STRN3: variants seen among roughly 807,000 people sequenced by gnomAD.
STRN3 encodes the protein striatin-3.
A neutral mutation model predicts 95.6 loss-of-function variants in STRN3; 29 were observed. That is an observed-to-expected ratio of 0.30 (90% confidence interval 0.23 to 0.41). The LOEUF is 0.41. STRN3 is among the 10% of genes least tolerant of loss of function. The pLI is 1.00. For synonymous variants in STRN3, 331 were observed against 357.6 expected, an observed-to-expected ratio of 0.93 and a Z score of 0.84; for missense variants, 890 against 972.1, an observed-to-expected ratio of 0.92 and a Z score of 1.12.
At chr14:30,961,071 A>G (rs1222831011) in intron 1 of STRN3, among the ~76,000 whole-genome samples, 1 of 152,100 alleles carries the variant, frequency 6.6e-6, no homozygotes, top group Non-Finnish European at 1.5e-5. Flanking sequence ...CACTAGCCAT[A>G]AAGAAAAGGA....
chr14:31,014,676 A>C, intron 1 of STRN3: 1 of 458,728 alleles, frequency 2.2e-6, no homozygotes, highest in Non-Finnish European at 4.5e-6. Flanking sequence ...TCAAGGTAAT[A>C]CCAATACCTT....
chr14:30,950,839 G>T (rs1394034282), intron 4 of STRN3, 24 bp downstream of exon 4: 1 of 1,604,934 alleles, frequency 6.2e-7, no homozygotes, highest in Non-Finnish European at 8.5e-7. Context: ...CCTTAAAGAA[G>T]GTTGAAAATA....
Position 30,894,845 on chromosome 14 carries a change from C to A in STRN3, c.*566G>T. ...TATAAAAACTAGAATTTTATCCAAA[C>A]ATTTTGTGCAACTAATGCTAAAATA... On this transcript the variant is annotated 3_prime_UTR_variant, in exon 18 of 18. Coordinates refer to ENST00000357479, the MANE Select transcript of STRN3 (RefSeq NM_001083893.2). 3.8e-6 allele frequency: 2 copies of A among 532,610 alleles called. No homozygotes were observed. The highest frequency in any genetic ancestry group is 2.4e-5 in the South Asian group (1 of 41,158). 33.0% of individuals were successfully genotyped at this position (532,610 alleles called of 1,614,324 possible).
intron 1 of STRN3, among the ~76,000 whole-genome samples, chr14:30,986,253 G>T (rs1555324425): frequency 6.6e-6 from 1 of 151,910 alleles, no homozygotes; most frequent in Non-Finnish European, 1.5e-5. Flanking sequence ...AAGCGAAAAA[G>T]AAAAAAACAC....
chr14:30,928,576 T>G (rs1416304482), intron 8 of STRN3, among the ~76,000 whole-genome samples: 1 of 152,204 alleles, frequency 6.6e-6, no homozygotes, highest in African/African-American at 2.4e-5. Context: ...ATAAGTAAAT[T>G]GATTAATATA....
intron 1 of STRN3, among the ~76,000 whole-genome samples, chr14:30,957,683 C>T (rs1040683399): frequency 1.3e-5 from 2 of 152,012 alleles, no homozygotes; most frequent in Non-Finnish European, 2.9e-5. Flanking sequence ...CTGAAAAAAG[C>T]AATTCTCTGC....
intron 7 of STRN3, among the ~76,000 whole-genome samples, chr14:30,932,551 A>G (rs1218338244): frequency 1.3e-5 from 2 of 152,190 alleles, no homozygotes; most frequent in Non-Finnish European, 2.9e-5. Flanking sequence ...TTTAAAGATA[A>G]TATTTCCGTC....
intron 5 of STRN3, among the ~76,000 whole-genome samples, chr14:30,945,483 T>C (rs2139108143): frequency 6.6e-6 from 1 of 152,184 alleles, no homozygotes; most frequent in East Asian, 1.9e-4. Flanking sequence ...TGTGAACCTG[T>C]GGTCCCAGCT....
intron 1 of STRN3, among the ~76,000 whole-genome samples, chr14:31,023,923 T>C (rs1566500532): frequency 2.0e-5 from 3 of 151,514 alleles, no homozygotes; most frequent in East Asian, 3.9e-4. Context: ...GTAGGACTTC[T>C]TCAAAACAAG....
intron 16 of STRN3, among the ~76,000 whole-genome samples, 184 bp downstream of exon 16, chr14:30,902,349 TATG>T (rs1420351536): frequency 6.6e-6 from 1 of 152,108 alleles, no homozygotes; most frequent in Non-Finnish European, 1.5e-5. Flanking sequence ...GGCAAGGTAT[TATG>T]TCTAGTTAAG....
intron 6 of STRN3, among the ~76,000 whole-genome samples, chr14:30,936,046 G>C (rs113171963): frequency 6.6e-6 from 1 of 152,186 alleles, no homozygotes; most frequent in African/African-American, 2.4e-5. Flanking sequence ...CTTAGGTTAT[G>C]AGCAAAAGTA....
At chr14:30,924,285 A>ATTTTTTTTTTT (rs1566438140) in intron 8 of STRN3, among the ~76,000 whole-genome samples, 3 of 33,562 alleles carry the variant, frequency 8.9e-5, no homozygotes, top group South Asian at 1.2e-3. Context: ...CATGCCTTAA[A>ATTTTTTTTTTT]TCTTTTTTTT....
intron 1 of STRN3, among the ~76,000 whole-genome samples, chr14:30,963,920 G>A (rs1003766640): frequency 8.5e-5 from 13 of 152,124 alleles, no homozygotes; most frequent in Admixed American, 2.6e-4. Flanking sequence ...TAAGCAATGC[G>A]CAGGGGGGAA....
At position 30,894,893 on chromosome 14, in the gene STRN3, CTTTTTTTT is replaced by C; in HGVS notation, c.*510_*517del. 4 of 741,626 alleles carry C rather than the reference CTTTTTTTT, an allele frequency of 5.4e-6. No individual in the cohort carries two copies. The highest frequency in any genetic ancestry group is 8.8e-4 in the Middle Eastern group (2 of 2,260). The allele number at this position is 741,626 out of a possible 1,614,324, so 45.9% of individuals were successfully genotyped here. A position where few individuals can be genotyped will look rare whatever the true frequency, so the allele number is the denominator to read the frequency against. On this transcript the variant is annotated 3_prime_UTR_variant, in exon 18 of 18. Coordinates refer to ENST00000357479, the MANE Select transcript of STRN3 (RefSeq NM_001083893.2). ...ATATTTTAAGTTAAATTTTCTTTTT[CTTTTTTTT>C]TTTTTTTAAAGCAAAATAAGTTTAA...
chr14:30,947,281 T>C lies in STRN3; in HGVS notation c.543-18A>G, dbSNP rs1302495683. On this transcript the variant is annotated intron_variant, in intron 4 of 17. Coordinates refer to ENST00000357479, the MANE Select transcript of STRN3 (RefSeq NM_001083893.2). ...GAAGATACCTGTAAGAGAAAATAAA[T>C]ATTAAAATCCACATACTGTTAACAT... 6.4e-7 allele frequency: 1 copy of C among 1,553,134 alleles called. No individual in the cohort carries two copies. Among genetic ancestry groups the C allele is most frequent in the Non-Finnish European group, 8.7e-7 (1 of 1,153,514 alleles).
intron 16 of STRN3, among the ~76,000 whole-genome samples, chr14:30,901,266 C>A (rs1396320363): frequency 3.4e-5 from 5 of 145,812 alleles, no homozygotes; most frequent in African/African-American, 1.3e-4. Context: ...CACAGTGAGA[C>A]CCTGTCTCTA....
intron 1 of STRN3, among the ~76,000 whole-genome samples, chr14:31,008,989 T>C (rs1284134032): frequency 6.6e-6 from 1 of 151,732 alleles, no homozygotes; most frequent in African/African-American, 2.4e-5. Context: ...CAATGAGCCG[T>C]GATTGTACCA....
rs760070329 is a variant in STRN3 at position 30,912,190 on chromosome 14, G to C, written c.1375-8C>G. 4 of 1,610,140 alleles carry C rather than the reference G, an allele frequency of 2.5e-6. No individual in the cohort carries two copies. In the South Asian group the frequency reaches 4.4e-5, roughly 18 times the overall value. On this transcript the variant is annotated splice_region_variant and splice_polypyrimidine_tract_variant and intron_variant, in intron 10 of 17. Transcript: ENST00000357479. ...ATCTTTATTAGCAGGCAACTAAAAG[G>C]AAAGAGCACAATATTTAGTGGTAAA...
intron 1 of STRN3, among the ~76,000 whole-genome samples, chr14:31,004,629 T>G (rs913570201): frequency 6.7e-6 from 1 of 150,028 alleles, no homozygotes; most frequent in Non-Finnish European, 1.5e-5. Flanking sequence ...CAAAATCAGC[T>G]GGGTATGGTG....
Sources: gnomAD v4.1 joint callset for allele counts (sites outside exome capture counted in the v4.1 genomes callset) on GRCh38, gnomAD v4.1.1 for gene constraint, MANE v1.5 for transcripts, NCBI Gene and HGNC (gene_info 2026-07-23, HGNC 2026-07-21) for gene names.